The following C5 variants were observed in gnomAD, a reference collection of about 807,000 sequenced individuals.
C5 encodes C3 and PZP-like alpha-2-macroglobulin domain-containing protein 4.
Under a neutral mutation model 218.8 loss-of-function variants are expected in C5, and 140 were observed. The ratio of observed to expected loss-of-function variants is 0.64; its 90% confidence interval spans 0.56 to 0.74. The LOEUF (loss-of-function observed/expected upper bound fraction) is 0.74. C5 is among the 30% of genes least tolerant of loss of function. C5 has a pLI of 0.00. For synonymous variants in C5, 614 were observed against 682.3 expected, an observed-to-expected ratio of 0.90 and a Z score of 1.56; for missense variants, 1,700 against 1,969.6, an observed-to-expected ratio of 0.86 and a Z score of 2.59.
intron 22 of C5, among the ~76,000 whole-genome samples, chr9:120,996,038 C>T (rs183129434): frequency 3.3e-4 from 50 of 151,984 alleles, no homozygotes; most frequent in Admixed American, 2.4e-3. Flanking sequence ...AGGCTGGTCT[C>T]GAACTCCTGA....
chr9:121,016,440 G>T (rs1036732543), intron 14 of C5, 57 bp from the exon 15 acceptor site: 32 of 1,598,492 alleles, frequency 2.0e-5, no homozygotes, highest in Non-Finnish European at 2.7e-5. Flanking sequence ...TTCCTCTAAA[G>T]ATCTAAAAGG....
chr9:121,015,150 TG>T, intron 16 of C5, 48 bp downstream of exon 16: 2 of 1,192,908 alleles, frequency 1.7e-6, no homozygotes, highest in Non-Finnish European at 2.5e-6. Context: ...GTCCAGTTTT[TG>T]AATGATATGA....
intron 21 of C5, among the ~76,000 whole-genome samples, chr9:120,997,118 T>A (rs1260349961): frequency 6.6e-6 from 1 of 152,094 alleles, no homozygotes; most frequent in Non-Finnish European, 1.5e-5. Flanking sequence ...TCTTATTTAT[T>A]GTTTTATCTC....
Position 120,969,089 on chromosome 9 carries a change from C to T in C5, c.4192G>A (p.Asp1398Asn). The T allele has an allele frequency of 6.2e-7, 1 of 1,614,042 alleles. No homozygotes were observed. Among genetic ancestry groups the T allele is most frequent in the Non-Finnish European group, 8.5e-7 (1 of 1,179,930 alleles). ...GCACATGCTACTATGCGTTTGTAAT[C>T]AGAGTTTCCGTAGCCTCTGTAGTGG... ...ASHYRGYGNS[D>N]YKRIVACASY... Residue 1398 changes from aspartate to asparagine, a missense_variant, in exon 33 of 41, where the codon GAT becomes AAT. Coordinates refer to ENST00000223642, the MANE Select transcript of C5 (RefSeq NM_001735.3).
chr9:121,061,352 T>C, the C5 span, among the ~76,000 whole-genome samples: 2 of 152,150 alleles, frequency 1.3e-5, no homozygotes, highest in Non-Finnish European at 2.9e-5. Flanking sequence ...CCTTTTCCTC[T>C]ACCTTGGCCA....
At chr9:120,974,348 C>G (rs1157620263) in intron 30 of C5, among the ~76,000 whole-genome samples, 2 of 152,244 alleles carry the variant, frequency 1.3e-5, no homozygotes, top group African/African-American at 2.4e-5. Flanking sequence ...CCCAGACATG[C>G]CTTCCCTCCT....
intron 3 of C5, among the ~76,000 whole-genome samples, chr9:121,038,572 G>A (rs1229832759): frequency 6.6e-6 from 1 of 152,106 alleles, no homozygotes; most frequent in African/African-American, 2.4e-5. Context: ...ATTTCTTTCT[G>A]TCAGTTAATA....
intron 36 of C5, among the ~76,000 whole-genome samples, 179 bp from the exon 37 acceptor site, chr9:120,961,744 C>G (rs2046829318): frequency 1.3e-5 from 2 of 152,148 alleles, no homozygotes; most frequent in South Asian, 2.1e-4. Flanking sequence ...TTCCGCTACC[C>G]TCAGAAAGAT....
At chr9:120,957,245 G>A (rs751174536) in intron 39 of C5, 40 bp downstream of exon 39, 4 of 1,329,286 alleles carry the variant, frequency 3.0e-6, no homozygotes, top group Admixed American at 3.4e-5. Context: ...GTACTAAATA[G>A]TTGCTGAATG....
chr9:120,957,267 G>A lies in C5; in HGVS notation c.4762+18C>T. On this transcript the variant is annotated intron_variant, in intron 39 of 40. Coordinates refer to ENST00000223642, the MANE Select transcript of C5 (RefSeq NM_001735.3). ...ATAGTTGCTGAATGAAGGAACGAAT[G>A]AACGAATGAATTCTCACCAGTTTTG... is the stretch of plus-strand genomic sequence containing the variant. The A allele has an allele frequency of 6.4e-7, 1 of 1,555,284 alleles. No homozygotes were observed. Among genetic ancestry groups the A allele is most frequent in the Non-Finnish European group, 8.9e-7 (1 of 1,127,242 alleles).
Position 120,976,809 on chromosome 9 carries a change from G to A in C5, c.3755C>T (p.Ala1252Val). The change falls in exon 29 of 41, where the codon GCC (alanine) becomes GTC (valine). Residue 1252 changes from alanine to valine, a missense_variant. Coordinates refer to ENST00000223642, the MANE Select transcript of C5 (RefSeq NM_001735.3). ...GTTCAGACTGGTGAGTAAAGCATAG[G>A]CAGTTGTTTCTACCATACGTGCCGT... ...TGTARMVETT[A>V]YALLTSLNLK... 6.2e-7 allele frequency: 1 copy of A among 1,613,886 alleles called. No homozygotes were observed. The highest frequency in any genetic ancestry group is 8.5e-7 in the Non-Finnish European group (1 of 1,179,800).
intron 39 of C5, among the ~76,000 whole-genome samples, chr9:120,956,004 A>G (rs1232403149): frequency 1.3e-5 from 2 of 152,176 alleles, no homozygotes; most frequent in South Asian, 2.1e-4. Context: ...ATTTATATCA[A>G]TCGAAATGAG....
At chr9:120,982,044 C>T in intron 26 of C5, 105 bp from the exon 27 acceptor site, 1 of 777,620 alleles carries the variant, frequency 1.3e-6, no homozygotes, top group South Asian at 1.4e-5. Flanking sequence ...TGGAGTCTCA[C>T]TCTGTCACCC....
intron 11 of C5, among the ~76,000 whole-genome samples, chr9:121,020,856 T>C (rs1487982533): frequency 6.6e-6 from 1 of 152,218 alleles, no homozygotes; most frequent in African/African-American, 2.4e-5. Context: ...ATGGCAAAGA[T>C]AATATTCTAA....
chr9:120,971,381 A>G (rs2046912162), intron 31 of C5, among the ~76,000 whole-genome samples: 1 of 151,810 alleles, frequency 6.6e-6, no homozygotes, highest in African/African-American at 2.4e-5. Flanking sequence ...ATAAAATTAT[A>G]TATCTCTATA....
At chr9:121,074,367 C>A in the C5 span, among the ~76,000 whole-genome samples, 1 of 152,176 alleles carries the variant, frequency 6.6e-6, no homozygotes. Context: ...GCTTTAACTC[C>A]CTTGTAGCAA....
chr9:121,002,339 TATACACAC>T (rs1203316571), intron 20 of C5, among the ~76,000 whole-genome samples: 1 of 115,450 alleles, frequency 8.7e-6, no homozygotes, highest in Non-Finnish European at 1.7e-5. Context: ...TATATATATA[TATACACAC>T]ATACCTACAC....
upstream of C5, among the ~76,000 whole-genome samples, chr9:121,053,136 A>G (rs1324399038): frequency 1.3e-5 from 2 of 152,184 alleles, no homozygotes; most frequent in African/African-American, 4.8e-5. Flanking sequence ...CCATGTCCAG[A>G]GGCCAGTGGA....
intron 31 of C5, 71 bp downstream of exon 31, chr9:120,971,859 G>T (rs962664386): frequency 3.0e-5 from 35 of 1,179,978 alleles, no homozygotes; most frequent in Non-Finnish European, 4.4e-5. Flanking sequence ...TTGTGGCAAA[G>T]CTCCTAACTT....
Sources: gnomAD v4.1 joint callset for allele counts (sites outside exome capture counted in the v4.1 genomes callset) on GRCh38, gnomAD v4.1.1 for gene constraint, MANE v1.5 for transcripts, NCBI Gene and HGNC (gene_info 2026-07-23, HGNC 2026-07-21) for gene names.